Variants in TMEM178B observed in about 807,000 individuals in gnomAD.
TMEM178B encodes transmembrane protein 178B.
Under a neutral mutation model 31.0 loss-of-function variants are expected in TMEM178B, and 5 were observed. The observed-to-expected ratio is 0.16, with a 90% CI of 0.08 to 0.34. TMEM178B has a LOEUF of 0.34. Among genes scored for constraint, TMEM178B ranks in the 10% least tolerant of loss-of-function variants. The pLI is 1.00. For missense variants in TMEM178B, 275 were observed against 400.3 expected, an observed-to-expected ratio of 0.69 and a Z score of 2.67; for synonymous variants, 164 against 164.0, an observed-to-expected ratio of 1.00 and a Z score of 0.00.
intron 2 of TMEM178B, among the ~76,000 whole-genome samples, chr7:141,359,641 T>G (rs1300876488): frequency 6.6e-6 from 1 of 151,942 alleles, no homozygotes; most frequent in Non-Finnish European, 1.5e-5. Flanking sequence ...GAATAGGGAG[T>G]GCATTTTCAA....
chr7:141,462,660 G>A (rs867813682), intron 3 of TMEM178B, among the ~76,000 whole-genome samples: 6 of 152,274 alleles, frequency 3.9e-5, no homozygotes, highest in African/African-American at 1.2e-4. Flanking sequence ...TTGGCAACCA[G>A]AGAAATATTA....
chr7:141,487,613 T>A, the TMEM178B span, among the ~76,000 whole-genome samples: 1 of 151,518 alleles, frequency 6.6e-6, no homozygotes, highest in African/African-American at 2.4e-5. Context: ...TGGGGGCGCA[T>A]GTCTGCAGTC....
chr7:141,080,215 C>T (rs1293472800), intron 1 of TMEM178B, among the ~76,000 whole-genome samples: 1 of 152,188 alleles, frequency 6.6e-6, no homozygotes, highest in Non-Finnish European at 1.5e-5. Context: ...ACATGAAGGA[C>T]ACATTCATTC....
chr7:141,445,554 A>T (rs1216644866), intron 3 of TMEM178B, among the ~76,000 whole-genome samples: 2 of 152,214 alleles, frequency 1.3e-5, no homozygotes, highest in Non-Finnish European at 2.9e-5. Context: ...ATATAAGTTC[A>T]GGAGGCATTA....
intron 2 of TMEM178B, among the ~76,000 whole-genome samples, chr7:141,306,068 T>C (rs913546374): frequency 1.3e-5 from 2 of 152,210 alleles, no homozygotes; most frequent in East Asian, 3.8e-4. Context: ...GCTTTATACA[T>C]AGTAGATGCT....
At chr7:141,330,242 A>G (rs1799274833) in intron 2 of TMEM178B, among the ~76,000 whole-genome samples, 1 of 152,212 alleles carries the variant, frequency 6.6e-6, no homozygotes, top group Non-Finnish European at 1.5e-5. Context: ...CCCCACAGGC[A>G]TAAGCTGTTA....
At chr7:141,373,957 T>G (rs17162166) in intron 2 of TMEM178B, among the ~76,000 whole-genome samples, 12,490 of 152,280 alleles carry the variant, frequency 0.082, 787 homozygotes, top group African/African-American at 0.16. Context: ...GAAATCCAAC[T>G]CTGGGGGATG....
intron 2 of TMEM178B, among the ~76,000 whole-genome samples, chr7:141,226,397 C>T (rs10242544): frequency 0.43 from 65,143 of 151,920 alleles, 14,303 homozygotes; most frequent in East Asian, 0.68. Context: ...ACCACCCTCT[C>T]TCATCTCACA....
At chr7:141,431,398 C>T (rs1397321699) in intron 2 of TMEM178B, 1 of 152,034 alleles carries the variant, frequency 6.6e-6, no homozygotes, top group Non-Finnish European at 1.5e-5. Flanking sequence ...TGAGGGAGAA[C>T]AGCTTTTTCT....
At chr7:141,327,782 A>C (rs7811217) in intron 2 of TMEM178B, among the ~76,000 whole-genome samples, 77,064 of 152,000 alleles carry the variant, frequency 0.51, 20,792 homozygotes, top group African/African-American at 0.7. Context: ...CCACTGCACC[A>C]AGCCACAGTT....
chr7:141,229,187 T>C (rs190994223), intron 2 of TMEM178B, among the ~76,000 whole-genome samples: 8 of 151,642 alleles, frequency 5.3e-5, no homozygotes, highest in East Asian at 3.9e-4. Context: ...TAGGATTCAA[T>C]TGGAGGCTGA....
intron 2 of TMEM178B, among the ~76,000 whole-genome samples, chr7:141,386,123 A>AT: frequency 6.6e-6 from 1 of 152,172 alleles, no homozygotes; most frequent in Non-Finnish European, 1.5e-5. Context: ...AAAAACAGAG[A>AT]TTTTGAGGGG....
chr7:141,291,299 G>A (rs890099297), intron 2 of TMEM178B, among the ~76,000 whole-genome samples: 3 of 151,940 alleles, frequency 2.0e-5, no homozygotes, highest in Non-Finnish European at 4.4e-5. Context: ...TTATGATCTC[G>A]AGGCCTGACA....
intron 2 of TMEM178B, among the ~76,000 whole-genome samples, chr7:141,276,872 A>T (rs983601887): frequency 6.6e-6 from 1 of 152,252 alleles, no homozygotes. Flanking sequence ...ATGGTAGGCA[A>T]CTGTAACACA....
intron 2 of TMEM178B, among the ~76,000 whole-genome samples, chr7:141,300,369 A>C (rs1283164450): frequency 6.6e-6 from 1 of 152,162 alleles, no homozygotes; most frequent in South Asian, 2.1e-4. Flanking sequence ...TGATCAAGCA[A>C]TGGTAGTCCT....
In TMEM178B at chr7:141,146,786, A is replaced by G. The variant is rs539431030; in HGVS notation, c.383-65805A>G. 2.0e-4 allele frequency among the ~76,000 whole-genome samples: 31 copies of G among 152,236 alleles called. No homozygotes were observed. The East Asian group carries it at 5.4e-3, about 27-fold the overall frequency. On this transcript the variant is annotated intron_variant, in intron 1 of 3. Coordinates refer to ENST00000565468, the MANE Select transcript of TMEM178B (RefSeq NM_001195278.2). ...CATTCTTCCTTTCTCCCATTTACCCATAATCCTTCTACCATCCTTTCCCAC... is the reference window on the plus strand; with the variant it reads ...CATTCTTCCTTTCTCCCATTTACCCGTAATCCTTCTACCATCCTTTCCCAC...
intron 1 of TMEM178B, among the ~76,000 whole-genome samples, chr7:141,147,968 C>G (rs1370027292): frequency 6.6e-6 from 1 of 152,210 alleles, no homozygotes. Flanking sequence ...CTGTAACAAA[C>G]TGCCACAAAC....
At chr7:141,143,128 G>A (rs536428296) in intron 1 of TMEM178B, among the ~76,000 whole-genome samples, 2 of 152,234 alleles carry the variant, frequency 1.3e-5, no homozygotes, top group African/African-American at 4.8e-5. Flanking sequence ...TTAGACATTT[G>A]TTGGATGCAT....
At chr7:141,122,877 C>G (rs1795432227) in intron 1 of TMEM178B, among the ~76,000 whole-genome samples, 1 of 152,102 alleles carries the variant, frequency 6.6e-6, no homozygotes, top group Admixed American at 6.5e-5. Context: ...TGTTTGCTTC[C>G]ATAGCCAAAC....
Sources: gnomAD v4.1 joint callset for allele counts (sites outside exome capture counted in the v4.1 genomes callset) on GRCh38, gnomAD v4.1.1 for gene constraint, MANE v1.5 for transcripts, NCBI Gene and HGNC (gene_info 2026-07-23, HGNC 2026-07-21) for gene names.